Variants in ANAPC7 observed in about 807,000 individuals in gnomAD.
ANAPC7 encodes the protein anaphase-promoting complex subunit 7.
Under a neutral mutation model 63.3 loss-of-function variants are expected in ANAPC7, and 25 were observed. That is an observed-to-expected ratio of 0.39 (90% CI 0.29 to 0.55). The LOEUF (loss-of-function observed/expected upper bound fraction) is 0.55. ANAPC7 is among the 20% of genes least tolerant of loss of function. The pLI is 0.57. For missense variants in ANAPC7, 516 were observed against 691.7 expected (o/e 0.75, Z 2.85); for synonymous variants, 241 against 251.7 (o/e 0.96, Z 0.40).
chr12:110,403,307 C>A (rs1191077159), intron 1 of ANAPC7, among the ~76,000 whole-genome samples: 1 of 152,180 alleles, frequency 6.6e-6, no homozygotes, highest in African/African-American at 2.4e-5. Flanking sequence ...TGTCTCCAAG[C>A]CGCCGCTCGC....
chr12:110,397,451 G>A (rs1330515528), intron 1 of ANAPC7, among the ~76,000 whole-genome samples: 1 of 151,642 alleles, frequency 6.6e-6, no homozygotes, highest in Non-Finnish European at 1.5e-5. Context: ...TACTCGGGAA[G>A]CTGAGGCAGG....
intron 1 of ANAPC7, among the ~76,000 whole-genome samples, chr12:110,402,285 T>G (rs898967795): frequency 2.7e-4 from 41 of 152,262 alleles, no homozygotes; most frequent in African/African-American, 9.9e-4. Context: ...GGGCAGATAT[T>G]TGCCTTCAGA....
chr12:110,399,794 CAAA>C (rs60764482), intron 1 of ANAPC7, among the ~76,000 whole-genome samples: 8 of 60,676 alleles, frequency 1.3e-4, no homozygotes, highest in Admixed American at 3.8e-4. Context: ...CTGTCTCAGA[CAAA>C]AAAAAAAAAA....
At position 110,386,310 on chromosome 12, in the gene ANAPC7, C is replaced by T. The variant is rs201523244; in HGVS notation, c.817+17G>A. On this transcript the variant is annotated intron_variant, in intron 6 of 10. Transcript: ENST00000455511. ...CCCAACAACAGCCACTGTCTTCCTGCCCCAAGAATTACTTACCTTTTATCA... is the reference window on the plus strand; with the variant it reads ...CCCAACAACAGCCACTGTCTTCCTGTCCCAAGAATTACTTACCTTTTATCA... 6.2e-6 allele frequency: 10 copies of T among 1,613,610 alleles called. No homozygotes were observed. The highest frequency in any genetic ancestry group is 8.5e-6 in the Non-Finnish European group (10 of 1,179,960).
chr12:110,387,408 AGAGAGAGAGAGAGAGAGAGAGAGACC>A (rs1882694742), intron 5 of ANAPC7: 1 of 138,840 alleles, frequency 7.2e-6, no homozygotes, highest in African/African-American at 3.4e-5. Context: ...AGAGAGAGAG[AGAGAGAGAGAGAGAGAGAGAGAGACC>A]GACCTTGTCT....
At chr12:110,390,588 T>C (rs992281509) in intron 3 of ANAPC7, among the ~76,000 whole-genome samples, 2 of 152,178 alleles carry the variant, frequency 1.3e-5, no homozygotes, top group Admixed American at 6.6e-5. Context: ...TAATATAGCA[T>C]TGATTCACAC....
At chr12:110,402,247 G>A (rs2138002662) in intron 1 of ANAPC7, among the ~76,000 whole-genome samples, 1 of 152,168 alleles carries the variant, frequency 6.6e-6, no homozygotes, top group South Asian at 2.1e-4. Context: ...AGTGAACAGA[G>A]TAATGAGATG....
At chr12:110,379,463 G>A (rs1342155732) in intron 8 of ANAPC7, among the ~76,000 whole-genome samples, 9 of 152,268 alleles carry the variant, frequency 5.9e-5, no homozygotes, top group East Asian at 5.8e-4. Flanking sequence ...CTATTCAACC[G>A]CATCCCTGAG....
In ANAPC7 at chr12:110,395,016, G is replaced by A. The variant is rs376654075; in HGVS notation, c.408+85C>T. On this transcript the variant is annotated intron_variant, in intron 3 of 10. Transcript: ENST00000455511. ...AGAATCATGGGTAAAATGTTCACAC[G>A]GACTCCTTAATGCATGAGAAAACAT... 5.6e-4 allele frequency: 811 copies of A among 1,446,854 alleles called. 12 individuals are homozygous for A. In the South Asian group the frequency reaches 0.01, roughly 18 times the overall value. 89.6% of individuals were successfully genotyped at this position (1,446,854 alleles called of 1,614,324 possible).
intron 5 of ANAPC7, chr12:110,387,237 GACA>G (rs1882545387): frequency 9.0e-6 from 1 of 110,728 alleles, no homozygotes; most frequent in Non-Finnish European, 2.0e-5. Flanking sequence ...GAGAGAGAGA[GACA>G]GAGAGACAGA....
chr12:110,384,860 G>C (rs1249040797), intron 6 of ANAPC7, among the ~76,000 whole-genome samples: 1 of 152,134 alleles, frequency 6.6e-6, no homozygotes, highest in Admixed American at 6.6e-5. Flanking sequence ...TCTCTTCCCA[G>C]AGTTCTAGAC....
At chr12:110,386,177 T>G in intron 6 of ANAPC7, 150 bp downstream of exon 6, 1 of 1,152,226 alleles carries the variant, frequency 8.7e-7, no homozygotes, top group African/African-American at 1.6e-5. Context: ...GAGACATGTG[T>G]CATGACCTAA....
At chr12:110,377,356 T>C (rs746033616) in intron 9 of ANAPC7, 37 bp downstream of exon 9, 9 of 1,577,850 alleles carry the variant, frequency 5.7e-6, no homozygotes, top group Non-Finnish European at 6.9e-6. Flanking sequence ...TTTATAAAAA[T>C]TAATGATGAA....
At chr12:110,398,330 C>T (rs909983750) in intron 1 of ANAPC7, among the ~76,000 whole-genome samples, 13 of 151,908 alleles carry the variant, frequency 8.6e-5, no homozygotes, top group African/African-American at 2.4e-5. Context: ...ACAGGACAAT[C>T]GCTTGAGCCC....
rs1367084052 is a variant in ANAPC7, at chr12:110,403,658, C to T, written c.-31G>A. 6.4e-7 allele frequency: 1 copy of T among 1,569,756 alleles called. No homozygotes were observed. Among genetic ancestry groups the T allele is most frequent in the South Asian group, 1.2e-5 (1 of 86,142 alleles). ...TCTGCAAAGCCGCGGGCAGCGGCGG[C>T]AGCACTGACTCGAAAAGCCGGTAGA... On this transcript the variant is annotated 5_prime_UTR_variant, in exon 1 of 11. Coordinates refer to ENST00000455511, the MANE Select transcript of ANAPC7 (RefSeq NM_016238.3).
chr12:110,403,670 G>A lies in ANAPC7; in HGVS notation c.-43C>T, dbSNP rs750459818. 51 of 1,560,778 alleles carry A rather than the reference G, an allele frequency of 3.3e-5. No homozygotes were observed. The Admixed American group carries it at 6.2e-4, about 19-fold the overall frequency. On this transcript the variant is annotated 5_prime_UTR_variant, in exon 1 of 11. Coordinates refer to ENST00000455511, the MANE Select transcript of ANAPC7 (RefSeq NM_016238.3). ...CGGGCAGCGGCGGCAGCACTGACTC[G>A]AAAAGCCGGTAGAGGATCCTTAGGG... is the stretch of plus-strand genomic sequence containing the variant.
At chr12:110,376,341 C>A (rs1211273009) in intron 9 of ANAPC7, 125 bp from the exon 10 acceptor site, 5 of 1,016,742 alleles carry the variant, frequency 4.9e-6, no homozygotes, top group African/African-American at 1.6e-5. Flanking sequence ...GGCAAGCACA[C>A]CTGAAGCCCT....
chr12:110,398,652 G>A (rs2137990968), intron 1 of ANAPC7, among the ~76,000 whole-genome samples: 1 of 152,168 alleles, frequency 6.6e-6, no homozygotes, highest in East Asian at 1.9e-4. Context: ...GTTTTTCTTT[G>A]ACAAGTAAAA....
At chr12:110,380,974 C>T (rs1051435459) in intron 8 of ANAPC7, among the ~76,000 whole-genome samples, 5 of 151,146 alleles carry the variant, frequency 3.3e-5, no homozygotes, top group Non-Finnish European at 7.4e-5. Context: ...AATAGGCAAA[C>T]TAAGTGATCT....
Sources: allele counts gnomAD v4.1 joint callset (sites outside exome capture counted in the v4.1 genomes callset), GRCh38; gene constraint gnomAD v4.1.1; transcripts MANE v1.5; gene names NCBI Gene and HGNC (gene_info 2026-07-23, HGNC 2026-07-21).